CNKSR2: variants seen among roughly 807,000 people sequenced by gnomAD.
CNKSR2 encodes the protein connector enhancer of kinase suppressor of Ras 2, also known as CNK homolog protein 2.
In CNKSR2, 14 loss-of-function variants were observed where a neutral mutation model predicts 84.4. The ratio of observed to expected loss-of-function variants is 0.17; its 90% CI spans 0.11 to 0.26. The LOEUF (loss-of-function observed/expected upper bound fraction) is 0.26. CNKSR2 is among the 10% of genes least tolerant of loss of function. The pLI is 1.00. For synonymous variants in CNKSR2, 275 were observed against 277.9 expected (o/e 0.99, Z 0.10); for missense variants, 485 against 771.2 (o/e 0.63, Z 4.40).
rs776677572 is a variant in CNKSR2, at chrX:21,537,569, A to G, written c.1303+5502A>G. Among the ~76,000 whole-genome samples, 14 of 111,554 alleles carry G rather than the reference A, an allele frequency of 1.3e-4. No individual in the cohort carries two copies. The South Asian group carries it at 1.9e-3, about 15-fold the overall frequency. ...CTGTGTTGGGTACATATATATTTAC[A>G]ACTATTATATTCATTTGCTGAATTG... On this transcript the variant is annotated intron_variant, in intron 11 of 21. Coordinates refer to ENST00000379510, the MANE Select transcript of CNKSR2 (RefSeq NM_014927.5).
intron 5 of CNKSR2, among the ~76,000 whole-genome samples, chrX:21,484,153 T>G (rs2091354311): frequency 9.1e-6 from 1 of 110,394 alleles, no homozygotes; most frequent in South Asian, 3.9e-4. Context: ...TAGCTGGGCG[T>G]AGTGGTGCGC....
At chrX:21,594,750 T>C (rs200319756) in intron 15 of CNKSR2, 70 of 266,724 alleles carry the variant, frequency 2.6e-4, no homozygotes, top group East Asian at 2.4e-3. Context: ...AAAAAGACTT[T>C]TTAAAAGTTC....
intron 1 of CNKSR2, among the ~76,000 whole-genome samples, chrX:21,411,844 T>A (rs746134190): frequency 1.8e-5 from 2 of 111,559 alleles, no homozygotes; most frequent in Non-Finnish European, 3.8e-5. Context: ...CTCAATAAAC[T>A]ATTACCTCAG....
At chrX:21,540,765 G>A (rs1480296813) in intron 11 of CNKSR2, among the ~76,000 whole-genome samples, 1 of 111,630 alleles carries the variant, frequency 9.0e-6, no homozygotes, top group Non-Finnish European at 1.9e-5. Context: ...AGAGACTTTA[G>A]AGTTAAGATT....
At chrX:21,646,047 G>T (rs1012462843) in intron 20 of CNKSR2, 8 of 111,121 alleles carry the variant, frequency 7.2e-5, no homozygotes, top group Non-Finnish European at 1.5e-4. Context: ...TAAGTAATTG[G>T]TGGCATTTTG....
At chrX:21,454,395 C>A (rs1341366913) in intron 4 of CNKSR2, among the ~76,000 whole-genome samples, 1 of 112,296 alleles carries the variant, frequency 8.9e-6, no homozygotes, top group Admixed American at 9.4e-5. Context: ...GCAGTCTGTT[C>A]TTAACCCATC....
intron 1 of CNKSR2, among the ~76,000 whole-genome samples, chrX:21,413,616 C>A (rs1046299822): frequency 9.0e-6 from 1 of 110,728 alleles, no homozygotes; most frequent in African/African-American, 3.3e-5. Flanking sequence ...CCCCTCACCT[C>A]CCCACACCAC....
At chrX:21,566,029 T>C (rs1239808187) in intron 13 of CNKSR2, among the ~76,000 whole-genome samples, 2 of 112,116 alleles carry the variant, frequency 1.8e-5, no homozygotes, top group Non-Finnish European at 3.8e-5. Flanking sequence ...CCGCACTCTA[T>C]CCTGTTGCTT....
intron 13 of CNKSR2, among the ~76,000 whole-genome samples, chrX:21,588,129 G>C (rs914606698): frequency 1.8e-5 from 2 of 112,177 alleles, no homozygotes; most frequent in African/African-American, 6.5e-5. Flanking sequence ...ATTGAATTGG[G>C]CATGTAGACA....
At chrX:21,578,245 A>G (rs990558864) in intron 13 of CNKSR2, among the ~76,000 whole-genome samples, 1 of 111,721 alleles carries the variant, frequency 9.0e-6, no homozygotes, top group Non-Finnish European at 1.9e-5. Flanking sequence ...GATTTTAGGT[A>G]AATTAGTGTA....
chrX:21,518,809 A>G (rs1391879399), intron 9 of CNKSR2, among the ~76,000 whole-genome samples: 1 of 111,358 alleles, frequency 9.0e-6, no homozygotes, highest in Non-Finnish European at 1.9e-5. Flanking sequence ...GTATTTGTAA[A>G]TTTACTTTTT....
chrX:21,541,141 C>G (rs1432054694), intron 11 of CNKSR2, among the ~76,000 whole-genome samples: 1 of 110,247 alleles, frequency 9.1e-6, no homozygotes, highest in Non-Finnish European at 1.9e-5. Flanking sequence ...CGCCACCACG[C>G]CCAGCTAATT....
At chrX:21,642,242 T>C (rs1043312506) in intron 20 of CNKSR2, 2 of 750,601 alleles carry the variant, frequency 2.7e-6, no homozygotes, top group Non-Finnish European at 1.6e-6. Context: ...TTCGGTGACA[T>C]TAATGAAGAA....
At chrX:21,423,166 C>T (rs2090520132) in intron 1 of CNKSR2, 2 of 111,150 alleles carry the variant, frequency 1.8e-5, no homozygotes, top group South Asian at 7.6e-4. Context: ...GGTATAATGA[C>T]TTTTGGTATG....
At position 21,501,523 on chromosome X, in the gene CNKSR2, C is replaced by G; in HGVS notation, c.745C>G (p.Pro249Ala). The change falls in exon 8 of 22, where the codon CCT becomes GCT. Residue 249 changes from proline to alanine, a missense_variant. Coordinates refer to ENST00000379510, the MANE Select transcript of CNKSR2 (RefSeq NM_014927.5). ...GTTTCTTTTATATTAAATTCAGTCA[C>G]CTGCAGATCGGTGCAAGAAAATCCA... ...HVITGTTENS[P>A]ADRCKKIHAG... 1 of 1,137,725 alleles carries G rather than the reference C, an allele frequency of 8.8e-7. No individual in the cohort carries two copies. Among genetic ancestry groups the G allele is most frequent in the South Asian group, 2.0e-5 (1 of 49,296 alleles). 93.8% of individuals were successfully genotyped at this position (1,137,725 alleles called of 1,213,427 possible).
intron 1 of CNKSR2, chrX:21,424,971 T>G (rs968335518): frequency 8.9e-6 from 1 of 111,849 alleles, no homozygotes; most frequent in African/African-American, 3.2e-5. Flanking sequence ...GTCCCTCATC[T>G]TACTCACAGG....
At chrX:21,381,445 T>C (rs1426952209) in intron 1 of CNKSR2, among the ~76,000 whole-genome samples, 2 of 112,001 alleles carry the variant, frequency 1.8e-5, no homozygotes, top group South Asian at 3.7e-4. Context: ...GCACAAAATA[T>C]GACCATTTTC....
At chrX:21,582,039 T>C (rs1438050506) in intron 13 of CNKSR2, among the ~76,000 whole-genome samples, 1 of 111,630 alleles carries the variant, frequency 9.0e-6, no homozygotes, top group Admixed American at 9.5e-5. Flanking sequence ...TTAATAGGCT[T>C]GTACTGAAAT....
At chrX:21,552,601 T>C (rs1172378529) in intron 11 of CNKSR2, among the ~76,000 whole-genome samples, 2 of 112,304 alleles carry the variant, frequency 1.8e-5, no homozygotes, top group East Asian at 5.6e-4. Flanking sequence ...GTTCTCAATA[T>C]TTAAGCCTGC....
Sources: allele counts gnomAD v4.1 joint callset (sites outside exome capture counted in the v4.1 genomes callset), GRCh38; gene constraint gnomAD v4.1.1; transcripts MANE v1.5; gene names NCBI Gene and HGNC (gene_info 2026-07-23, HGNC 2026-07-21).